RORB: variants seen among roughly 807,000 people sequenced by gnomAD.
The protein encoded by RORB is RAR related orphan receptor B.
A neutral mutation model predicts 59.1 loss-of-function variants in RORB; 6 were observed. That is an observed-to-expected ratio of 0.10 (90% confidence interval 0.06 to 0.20). The LOEUF is 0.20. Ranked by LOEUF, RORB falls within the 10% of genes least tolerant of loss-of-function variation. The pLI is 1.00. For missense variants in RORB, 320 were observed against 560.5 expected (o/e 0.57, Z 4.33); for synonymous variants, 215 against 204.5 (o/e 1.05, Z -0.44).
intron 1 of RORB, among the ~76,000 whole-genome samples, chr9:74,542,838 C>A (rs1434688942): frequency 6.6e-6 from 1 of 152,134 alleles, no homozygotes. Flanking sequence ...TGGAAAGCCT[C>A]TGGGAGTATA....
chr9:74,607,909 A>G (rs1823173998), intron 1 of RORB, among the ~76,000 whole-genome samples: 1 of 152,186 alleles, frequency 6.6e-6, no homozygotes, highest in African/African-American at 2.4e-5. Context: ...TTCTAGGCAT[A>G]CTGCAGACAT....
chr9:74,648,970 CTT>C (rs1457915899), intron 4 of RORB, among the ~76,000 whole-genome samples: 3 of 141,318 alleles, frequency 2.1e-5, no homozygotes, highest in Admixed American at 7.1e-5. Flanking sequence ...AAGATAGGTT[CTT>C]TTTTTTTTTT....
chr9:74,574,639 T>A (rs912656620), intron 1 of RORB, among the ~76,000 whole-genome samples: 1 of 152,106 alleles, frequency 6.6e-6, no homozygotes, highest in African/African-American at 2.4e-5. Context: ...AGAGTCAGAA[T>A]TGGGCACAGA....
Position 74,497,794 on chromosome 9 carries a change from T to A in RORB, c.-183T>A. On this transcript the variant is annotated 5_prime_UTR_variant, in exon 1 of 10. Coordinates refer to ENST00000376896, the MANE Select transcript of RORB (RefSeq NM_006914.4). ...ACCACCAACATCAAAACTGTTAACATAGCGGCGGCGGCGGCAAACGTCACC... is the reference window on the plus strand; with the variant it reads ...ACCACCAACATCAAAACTGTTAACAAAGCGGCGGCGGCGGCAAACGTCACC... 4 of 619,854 alleles carry A rather than the reference T, an allele frequency of 6.5e-6. No individual in the cohort carries two copies. Among genetic ancestry groups the A allele is most frequent in the South Asian group, 1.9e-5 (1 of 51,486 alleles). 38.4% of individuals were successfully genotyped at this position (619,854 alleles called of 1,614,324 possible). A position where few individuals can be genotyped will look rare whatever the true frequency, so the allele number is the denominator to read the frequency against.
intron 1 of RORB, among the ~76,000 whole-genome samples, chr9:74,550,291 T>G (rs779433522): frequency 6.6e-6 from 1 of 152,340 alleles, no homozygotes; most frequent in South Asian, 2.1e-4. Context: ...TAGATGACAT[T>G]AGAGAGCAAA....
chr9:74,625,714 A>T (rs1823500758), intron 1 of RORB, among the ~76,000 whole-genome samples: 1 of 152,196 alleles, frequency 6.6e-6, no homozygotes, highest in African/African-American at 2.4e-5. Flanking sequence ...TACTTTAAGG[A>T]GTTATAAAAA....
At chr9:74,590,886 TC>T (rs1291578610) in intron 1 of RORB, among the ~76,000 whole-genome samples, 1 of 152,164 alleles carries the variant, frequency 6.6e-6, no homozygotes, top group East Asian at 1.9e-4. Flanking sequence ...AACCTCTGCC[TC>T]CGGATTCAAG....
At chr9:74,501,236 G>A (rs1246480953) in intron 1 of RORB, among the ~76,000 whole-genome samples, 1 of 152,194 alleles carries the variant, frequency 6.6e-6, no homozygotes, top group African/African-American at 2.4e-5. Context: ...CTATAAACAA[G>A]GATTGGGTTT....
chr9:74,561,975 A>C lies in RORB; in HGVS notation c.7+63992A>C, dbSNP rs139981075. Among the ~76,000 whole-genome samples the C allele has an allele frequency of 1.4e-4, 22 of 152,268 alleles. No homozygotes were observed. The Middle Eastern group carries it at 0.014, about 94-fold the overall frequency. On this transcript the variant is annotated intron_variant, in intron 1 of 9. Transcript: ENST00000376896. ...CAATTTGGGTTTGTCTGATATCTTC[A>C]TGAGTAGATTGTTTATCTGCATTTT...
chr9:74,611,725 G>A (rs185023233), intron 1 of RORB, among the ~76,000 whole-genome samples: 15 of 152,208 alleles, frequency 9.9e-5, no homozygotes, highest in African/African-American at 2.2e-4. Flanking sequence ...TTGGCTCACC[G>A]CAACCTCCAC....
intron 3 of RORB, 86 bp from the exon 4 acceptor site, chr9:74,642,328 C>G (rs1823821218): frequency 1.5e-6 from 2 of 1,354,462 alleles, no homozygotes; most frequent in African/African-American, 2.9e-5. Context: ...GTTGAAGGGA[C>G]AACCATCCCA....
At chr9:74,562,710 G>A (rs1263934802) in intron 1 of RORB, among the ~76,000 whole-genome samples, 2 of 152,172 alleles carry the variant, frequency 1.3e-5, no homozygotes, top group Non-Finnish European at 2.9e-5. Context: ...ATGTCAGTGA[G>A]GAACTTAGCA....
chr9:74,678,238 G>C (rs1587420541), intron 9 of RORB, among the ~76,000 whole-genome samples: 1 of 152,282 alleles, frequency 6.6e-6, no homozygotes, highest in East Asian at 1.9e-4. Context: ...GCCAACTCCA[G>C]CACCTGAACT....
rs186534208 is a variant in RORB, at chr9:74,665,645, C to A, written c.1000+50C>A. On this transcript the variant is annotated intron_variant, in intron 7 of 9. Transcript: ENST00000376896. Reference sequence around the variant, plus strand: ...CAATTTTATTAGCCACCATCAGTTTCTCCACTTAGATTGAAATTGGTAAAT... The same window carrying A: ...CAATTTTATTAGCCACCATCAGTTTATCCACTTAGATTGAAATTGGTAAAT... The A allele has an allele frequency of 9.5e-6, 11 of 1,155,530 alleles. No individual in the cohort carries two copies. The African/African-American group carries it at 1.7e-4, about 18-fold the overall frequency. The allele number at this position is 1,155,530 out of a possible 1,614,324, so 71.6% of individuals were successfully genotyped here. A position where few individuals can be genotyped will look rare whatever the true frequency, so the allele number is the denominator to read the frequency against.
At chr9:74,558,932 G>A (rs906696803) in intron 1 of RORB, among the ~76,000 whole-genome samples, 1 of 152,120 alleles carries the variant, frequency 6.6e-6, no homozygotes, top group Non-Finnish European at 1.5e-5. Flanking sequence ...CCCTTGAAGA[G>A]AGTCTATTAA....
At chr9:74,553,838 G>A (rs1218668391) in intron 1 of RORB, among the ~76,000 whole-genome samples, 11 of 152,132 alleles carry the variant, frequency 7.2e-5, no homozygotes, top group African/African-American at 2.7e-4. Flanking sequence ...GCCAGTTTTA[G>A]TTTTCTTGAC....
At chr9:74,539,924 A>G (rs1826378979) in intron 1 of RORB, among the ~76,000 whole-genome samples, 1 of 151,828 alleles carries the variant, frequency 6.6e-6, no homozygotes, top group Non-Finnish European at 1.5e-5. Flanking sequence ...TCCTTGCCTC[A>G]GCCCTAAGTC....
At chr9:74,540,817 C>T (rs984945254) in intron 1 of RORB, among the ~76,000 whole-genome samples, 3 of 152,018 alleles carry the variant, frequency 2.0e-5, no homozygotes, top group African/African-American at 4.8e-5. Flanking sequence ...GTAAATCTAT[C>T]GGACAAATTT....
chr9:74,554,078 A>T (rs1826653125), intron 1 of RORB, among the ~76,000 whole-genome samples: 1 of 152,174 alleles, frequency 6.6e-6, no homozygotes, highest in African/African-American at 2.4e-5. Flanking sequence ...GAGTCCAACA[A>T]TTGGTGCTTT....
Sources: gnomAD v4.1 joint callset for allele counts (sites outside exome capture counted in the v4.1 genomes callset) on GRCh38, gnomAD v4.1.1 for gene constraint, MANE v1.5 for transcripts, NCBI Gene and HGNC (gene_info 2026-07-23, HGNC 2026-07-21) for gene names.